FHIT: variants seen among roughly 807,000 people sequenced by gnomAD.
The protein encoded by FHIT is fragile histidine triad diadenosine triphosphatase, also known as bis(5'-adenosyl)-triphosphatase.
In FHIT, 19 loss-of-function variants were observed where a neutral mutation model predicts 17.9. The observed-to-expected ratio is 1.06, with a 90% CI of 0.74 to 1.56. The LOEUF (loss-of-function observed/expected upper bound fraction) is 1.56. FHIT is among the 40% of genes most tolerant of loss of function. FHIT has a pLI of 0.00. For missense variants in FHIT, 248 were observed against 189.2 expected, an observed-to-expected ratio of 1.31 and a Z score of -1.82; for synonymous variants, 81 against 69.7, an observed-to-expected ratio of 1.16 and a Z score of -0.81.
At chr3:60,250,901 C>A (rs1050635931) in intron 5 of FHIT, among the ~76,000 whole-genome samples, 1 of 152,148 alleles carries the variant, frequency 6.6e-6, no homozygotes, top group Admixed American at 6.5e-5. Flanking sequence ...ACTCCCACTG[C>A]CCTCACCAAA....
At chr3:60,217,510 T>C (rs772827053) in intron 5 of FHIT, among the ~76,000 whole-genome samples, 1 of 152,204 alleles carries the variant, frequency 6.6e-6, no homozygotes, top group Non-Finnish European at 1.5e-5. Flanking sequence ...GCCAGTGATA[T>C]TTTATTGAAG....
At chr3:61,035,060 C>A (rs79951605) in intron 3 of FHIT, among the ~76,000 whole-genome samples, 4,181 of 152,272 alleles carry the variant, frequency 0.027, 123 homozygotes, top group African/African-American at 0.074. Flanking sequence ...TATATTGTAT[C>A]ATTCCATTTA....
chr3:60,548,059 C>A (rs1179396490), intron 4 of FHIT, among the ~76,000 whole-genome samples: 1 of 151,674 alleles, frequency 6.6e-6, no homozygotes, highest in Non-Finnish European at 1.5e-5. Flanking sequence ...GAAGGAAGAT[C>A]CACCCTTAAT....
At chr3:59,958,458 TCTCCA>T (rs760916049) in intron 7 of FHIT, among the ~76,000 whole-genome samples, 3 of 152,094 alleles carry the variant, frequency 2.0e-5, no homozygotes, top group Non-Finnish European at 4.4e-5. Flanking sequence ...TGAAAAAAAC[TCTCCA>T]TCTTACAGAC....
At chr3:60,501,287 A>T (rs1361564821) in intron 5 of FHIT, among the ~76,000 whole-genome samples, 2 of 150,296 alleles carry the variant, frequency 1.3e-5, no homozygotes, top group African/African-American at 2.4e-5. Flanking sequence ...GTAGGTAGCC[A>T]CTATTTATCT....
chr3:60,071,753 G>A (rs1702781207), intron 5 of FHIT, among the ~76,000 whole-genome samples: 1 of 152,178 alleles, frequency 6.6e-6, no homozygotes, highest in Non-Finnish European at 1.5e-5. Context: ...ATCTTGAATT[G>A]TAGCTCCCAT....
chr3:60,308,571 G>T (rs1708794642), intron 5 of FHIT, among the ~76,000 whole-genome samples: 1 of 145,938 alleles, frequency 6.9e-6, no homozygotes, highest in African/African-American at 2.5e-5. Context: ...CGTTACATTG[G>T]GTCCCCCCCC....
intron 8 of FHIT, among the ~76,000 whole-genome samples, chr3:59,866,110 C>CATT (rs1275078152): frequency 2.6e-5 from 4 of 152,060 alleles, no homozygotes; most frequent in Non-Finnish European, 5.9e-5. Flanking sequence ...GATACAGAGA[C>CATT]CAGCAAGCAT....
In FHIT at chr3:60,785,934, C is replaced by CACACAG. The variant is rs139392863; in HGVS notation, c.-18+35984_-18+35985insCTGTGT. On this transcript the variant is annotated intron_variant, in intron 4 of 9. Coordinates refer to ENST00000492590, the MANE Select transcript of FHIT (RefSeq NM_002012.4). ...ACACACACACACACACACACACACA[C>CACACAG]AGAGAGAGTACTTTTCAAGATTAGT... 7.6e-3 allele frequency among the ~76,000 whole-genome samples: 1,055 copies of CACACAG among 137,944 alleles called. 13 individuals carry two copies. The highest frequency in any genetic ancestry group is 0.024 in the Middle Eastern group (6 of 250). The allele number at this position is 137,944 out of a possible 152,430, so 90.5% of individuals were successfully genotyped here.
At chr3:60,231,637 T>C (rs903976737) in intron 5 of FHIT, among the ~76,000 whole-genome samples, 1 of 152,196 alleles carries the variant, frequency 6.6e-6, no homozygotes, top group East Asian at 1.9e-4. Context: ...TAACTAATCC[T>C]TATTGAGCAC....
At chr3:59,985,373 C>T (rs1362227360) in intron 7 of FHIT, among the ~76,000 whole-genome samples, 1 of 152,046 alleles carries the variant, frequency 6.6e-6, no homozygotes, top group Non-Finnish European at 1.5e-5. Flanking sequence ...TTTGTAAAAC[C>T]TTAGAGTATT....
chr3:61,000,505 G>T (rs1472359072), intron 3 of FHIT, among the ~76,000 whole-genome samples: 1 of 152,114 alleles, frequency 6.6e-6, no homozygotes, highest in African/African-American at 2.4e-5. Context: ...ATACCAAATG[G>T]CTTCTTAGGT....
intron 4 of FHIT, among the ~76,000 whole-genome samples, chr3:60,685,335 G>C (rs2040838397): frequency 1.3e-5 from 2 of 152,172 alleles, no homozygotes; most frequent in Non-Finnish European, 1.5e-5. Context: ...AAAACCCTAA[G>C]AGAGAAAATT....
At chr3:60,095,762 G>T (rs895507859) in intron 5 of FHIT, among the ~76,000 whole-genome samples, 3 of 152,180 alleles carry the variant, frequency 2.0e-5, no homozygotes, top group Admixed American at 1.3e-4. Flanking sequence ...CAGCCTGTTC[G>T]TTCTGTAAAA....
chr3:60,700,468 G>A (rs1553701843), intron 4 of FHIT, among the ~76,000 whole-genome samples: 1 of 152,062 alleles, frequency 6.6e-6, no homozygotes, highest in African/African-American at 2.4e-5. Flanking sequence ...ATATTTCACA[G>A]TATGGTTATA....
chr3:60,090,880 C>T (rs751057097), intron 5 of FHIT, among the ~76,000 whole-genome samples: 31 of 152,156 alleles, frequency 2.0e-4, no homozygotes, highest in Non-Finnish European at 3.5e-4. Context: ...GGGTAAGGTC[C>T]GCAAGGTGGA....
At chr3:60,634,135 T>C (rs375786108) in intron 4 of FHIT, among the ~76,000 whole-genome samples, 1 of 152,170 alleles carries the variant, frequency 6.6e-6, no homozygotes, top group Non-Finnish European at 1.5e-5. Flanking sequence ...GAGCTTCACT[T>C]TCCTCATCTG....
intron 5 of FHIT, among the ~76,000 whole-genome samples, chr3:60,399,268 C>T (rs1701572438): frequency 6.6e-6 from 1 of 152,088 alleles, no homozygotes; most frequent in Non-Finnish European, 1.5e-5. Context: ...GGATTTTGTC[C>T]TTCATAGTTC....
intron 5 of FHIT, among the ~76,000 whole-genome samples, chr3:60,262,220 T>C (rs1355218877): frequency 6.6e-6 from 1 of 152,084 alleles, no homozygotes; most frequent in Non-Finnish European, 1.5e-5. Flanking sequence ...AATGTCAAAG[T>C]ATAATTTTTA....
Sources: allele counts gnomAD v4.1 joint callset (sites outside exome capture counted in the v4.1 genomes callset), GRCh38; gene constraint gnomAD v4.1.1; transcripts MANE v1.5; gene names NCBI Gene and HGNC (gene_info 2026-07-23, HGNC 2026-07-21).